GZMB: variants seen among roughly 807,000 people sequenced by gnomAD.
GZMB encodes granzyme B, also known as T-cell serine protease 1-3E.
In GZMB, 27 loss-of-function variants were observed where a neutral mutation model predicts 24.2. That is an observed-to-expected ratio of 1.12 (90% CI 0.82 to 1.54). GZMB has a LOEUF of 1.54. GZMB is among the 40% of genes most tolerant of loss of function. GZMB has a pLI of 0.00. For synonymous variants in GZMB, 121 were observed against 115.1 expected (o/e 1.05, Z -0.33); for missense variants, 336 against 310.1 (o/e 1.08, Z -0.63).
chr14:24,632,614 G>A, intron 2 of GZMB, 155 bp from the exon 3 acceptor site: 1 of 1,215,700 alleles, frequency 8.2e-7, no homozygotes, highest in Non-Finnish European at 1.2e-6. Flanking sequence ...AATTGCACCA[G>A]GTTTCTCAGG....
At chr14:24,633,412 G>C in intron 1 of GZMB, 2 of 409,676 alleles carry the variant, frequency 4.9e-6, no homozygotes, top group Non-Finnish European at 6.6e-6. Context: ...CTAATGGCCA[G>C]GGTGTAAGTG....
chr14:24,631,682 A>T, intron 4 of GZMB, 176 bp downstream of exon 4: 1 of 626,890 alleles, frequency 1.6e-6, no homozygotes, highest in Non-Finnish European at 2.8e-6. Flanking sequence ...CCTCCTGGTA[A>T]GTTTGCAGAG....
Position 24,632,970 on chromosome 14 carries a change from C to G in GZMB, c.148G>C (p.Gly50Arg), listed in dbSNP as rs564414889. The G allele has an allele frequency of 6.2e-7, 1 of 1,613,922 alleles. No individual in the cohort carries two copies. Among genetic ancestry groups the G allele is most frequent in the East Asian group, 2.2e-5 (1 of 44,842 alleles). ...AAGTCGTCTCGTATCAGGAAGCCAC[C>G]GCACCTCTTCAGAGACTTCTGATCC... ...IWDQKSLKRCGGFLIRDDFVL... is the reference protein window; with the variant it reads ...IWDQKSLKRCRGFLIRDDFVL... Residue 50 changes from glycine (G) to arginine (R), a missense_variant, in exon 2 of 5, where the codon GGT becomes CGT. Coordinates refer to ENST00000216341, the MANE Select transcript of GZMB (RefSeq NM_004131.6).
At position 24,633,026 on chromosome 14, in the gene GZMB, G is replaced by A. The variant is rs761842669; in HGVS notation, c.92C>T (p.Ser31Phe). The change falls in exon 2 of 5, where the codon TCC becomes TTC. Residue 31 changes from serine to phenylalanine, a missense_variant. By Grantham distance (155) the Ser-to-Phe change is radical (BLOSUM62 -2). Coordinates refer to ENST00000216341, the MANE Select transcript of GZMB (RefSeq NM_004131.6). ...IIGGHEAKPH[S>F]RPYMAYLMIW... The stretch of plus-strand genomic sequence containing the variant: ...CATAAGATAAGCCATGTAGGGGCGG[G>A]AGTGGGGCTTGGCCTCATGTCCCCC... 1.2e-6 allele frequency: 2 copies of A among 1,613,438 alleles called. No individual in the cohort carries two copies. The highest frequency in any genetic ancestry group is 1.7e-6 in the Non-Finnish European group (2 of 1,179,654).
chr14:24,631,769 G>A, intron 4 of GZMB, 89 bp downstream of exon 4: 1 of 1,010,702 alleles, frequency 9.9e-7, no homozygotes, highest in African/African-American at 1.6e-5. Flanking sequence ...GTGGGTGAAG[G>A]AGTCCCCCAC....
intron 4 of GZMB, chr14:24,631,543 C>T (rs2066994514): frequency 1.8e-6 from 1 of 545,652 alleles, no homozygotes; most frequent in Non-Finnish European, 3.3e-6. Flanking sequence ...ACGTTGGGTA[C>T]CAGCCTCTGA....
At chr14:24,632,230 G>A in intron 3 of GZMB, 94 bp downstream of exon 3, 1 of 1,509,578 alleles carries the variant, frequency 6.6e-7, no homozygotes. Flanking sequence ...AACTAACCAA[G>A]AGGCCAGGAT....
intron 2 of GZMB, 198 bp from the exon 3 acceptor site, chr14:24,632,657 G>T: frequency 2.2e-6 from 2 of 894,042 alleles, no homozygotes; most frequent in Non-Finnish European, 3.6e-6. Flanking sequence ...AGGTGGAATT[G>T]CTTCAGTTTG....
rs755725451 is a variant in GZMB, at chr14:24,632,086, C to T, written c.372G>A (p.Val124=). ...LERKAKRTRA[V]QPLRLPSNKA... ...TGTTGCTAGGTAGCCTGAGGGGCTG[C>T]ACAGCTCTGGTCCGCTTGGCCTTTC... The change falls in exon 4 of 5, where the codon GTG becomes GTA. Residue 124 remains valine, a synonymous_variant. Coordinates refer to ENST00000216341, the MANE Select transcript of GZMB (RefSeq NM_004131.6). 6.2e-7 allele frequency: 1 copy of T among 1,614,206 alleles called. No individual in the cohort carries two copies. The highest frequency in any genetic ancestry group is 8.5e-7 in the Non-Finnish European group (1 of 1,180,030).
intron 1 of GZMB, 84 bp downstream of exon 1, chr14:24,634,022 A>T: frequency 8.6e-7 from 1 of 1,167,264 alleles, no homozygotes; most frequent in Non-Finnish European, 1.3e-6. Context: ...CATTCCTGGT[A>T]GATAGATGGA....
In GZMB at chr14:24,631,005, G is replaced by T; in HGVS notation, c.*66C>A. The stretch of plus-strand genomic sequence containing the variant: ...TTCAGTTGCTGGCACCTCTCCCAGT[G>T]TAAATCTGGACTTGGCTCCAGAGAA... On this transcript the variant is annotated 3_prime_UTR_variant, in exon 5 of 5. Coordinates refer to ENST00000216341, the MANE Select transcript of GZMB (RefSeq NM_004131.6). The T allele has an allele frequency of 1.6e-6, 2 of 1,263,534 alleles. No individual in the cohort carries two copies. Among genetic ancestry groups the T allele is most frequent in the Non-Finnish European group, 2.3e-6 (2 of 866,390 alleles). 78.3% of individuals were successfully genotyped at this position (1,263,534 alleles called of 1,614,324 possible). A position where few individuals can be genotyped will look rare whatever the true frequency, so the allele number is the denominator to read the frequency against.
chr14:24,631,326 AC>A, intron 4 of GZMB, 112 bp from the exon 5 acceptor site: 1 of 893,398 alleles, frequency 1.1e-6, no homozygotes, highest in Non-Finnish European at 1.7e-6. Context: ...CATGTGGGAG[AC>A]CAGAGGGCAG....
intron 1 of GZMB, 46 bp from the exon 2 acceptor site, chr14:24,633,108 G>T: frequency 6.4e-7 from 1 of 1,550,694 alleles, no homozygotes; most frequent in South Asian, 1.2e-5. Context: ...GGAATCTGCT[G>T]GGTGGGCACC....
Position 24,632,105 on chromosome 14 carries a change from G to A in GZMB, c.353C>T (p.Ala118Val), listed in dbSNP as rs758309888. The A allele has an allele frequency of 1.9e-6, 3 of 1,613,520 alleles. No homozygotes were observed. Among genetic ancestry groups the A allele is most frequent in the East Asian group, 2.2e-5 (1 of 44,870 alleles). ...GGGCTGCACAGCTCTGGTCCGCTTGGCCTTTCTCTCCAGCTGGTGGGGAAG... is the reference window on the plus strand; with the variant it reads ...GGGCTGCACAGCTCTGGTCCGCTTGACCTTTCTCTCCAGCTGGTGGGGAAG... ...DIMLLQLERK[A>V]KRTRAVQPLR... Residue 118 changes from alanine to valine, a missense_variant, in exon 4 of 5, where the codon GCC becomes GTC. Coordinates refer to ENST00000216341, the MANE Select transcript of GZMB (RefSeq NM_004131.6).
chr14:24,631,695 C>T (rs2066995798), intron 4 of GZMB, 163 bp downstream of exon 4: 2 of 662,854 alleles, frequency 3.0e-6, no homozygotes, highest in Admixed American at 2.7e-5. Context: ...TTGCAGAGGC[C>T]CTAATTTCTC....
chr14:24,632,402 C>A lies in GZMB; in HGVS notation c.261G>T (p.Gln87His). 1 of 1,613,490 alleles carries A rather than the reference C, an allele frequency of 6.2e-7. No homozygotes were observed. ...GGATGGGTCTTTTCACAGGGATAAA[C>A]TGCTGGGTCGGCTCCTGTTCTTTGA... The part of the protein sequence containing the change: ...HNIKEQEPTQ[Q>H]FIPVKRPIPH... The change falls in exon 3 of 5, where the codon CAG (glutamine) becomes CAT (histidine). Residue 87 changes from glutamine to histidine, a missense_variant. By Grantham distance (24) the Gln-to-His change is conservative. Transcript: ENST00000216341.
intron 4 of GZMB, 180 bp from the exon 5 acceptor site, chr14:24,631,394 T>C: frequency 1.7e-6 from 1 of 589,484 alleles, no homozygotes; most frequent in South Asian, 2.1e-5. Flanking sequence ...TTGTTACTGC[T>C]TCACCTCATC....
At chr14:24,632,224 A>T in intron 3 of GZMB, 100 bp downstream of exon 3, 1 of 1,381,230 alleles carries the variant, frequency 7.2e-7, no homozygotes, top group Non-Finnish European at 1.0e-6. Context: ...CATAGGAACT[A>T]ACCAAGAGGC....
chr14:24,632,315 G>C lies in GZMB; in HGVS notation c.339+9C>G, dbSNP rs772585496. 29 of 1,602,448 alleles carry C rather than the reference G, an allele frequency of 1.8e-5. No individual in the cohort carries two copies. The highest frequency in any genetic ancestry group is 2.5e-5 in the Non-Finnish European group (29 of 1,173,806). ...CAAGAAGAGCAAGAGTGGCAGGAGT[G>C]TGCCTCACCTGCAGTAGCATGATGT... On this transcript the variant is annotated intron_variant, in intron 3 of 4. Transcript: ENST00000216341.
Sources: allele counts gnomAD v4.1 joint callset, GRCh38; gene constraint gnomAD v4.1.1; transcripts MANE v1.5; gene names NCBI Gene and HGNC (gene_info 2026-07-23, HGNC 2026-07-21).